The following GPC5 variants were observed in gnomAD, a reference collection of about 807,000 sequenced individuals.
GPC5 encodes the protein glypican-5.
GPC5 carries 47 observed loss-of-function variants against 53.9 expected under a neutral mutation model. The observed-to-expected ratio is 0.87, with a 90% confidence interval of 0.69 to 1.11. The LOEUF is 1.11. Ranked by LOEUF, GPC5 falls within the 50% of genes most tolerant of loss-of-function variation. The pLI is 0.00. For missense variants in GPC5, 748 were observed against 713.1 expected, an observed-to-expected ratio of 1.05 and a Z score of -0.56; for synonymous variants, 286 against 263.3, an observed-to-expected ratio of 1.09 and a Z score of -0.84.
chr13:91,584,965 A>G (rs576187924), intron 2 of GPC5, among the ~76,000 whole-genome samples: 12 of 152,312 alleles, frequency 7.9e-5, no homozygotes, highest in Admixed American at 3.9e-4. Context: ...AACATGCATA[A>G]CCAAATAACA....
intron 7 of GPC5, among the ~76,000 whole-genome samples, chr13:92,817,991 A>G (rs1420338782): frequency 6.6e-6 from 1 of 150,872 alleles, no homozygotes; most frequent in East Asian, 2.0e-4. Context: ...TAATGGATGG[A>G]CATCTTGCCT....
chr13:91,844,154 T>C (rs1023781177), intron 5 of GPC5, among the ~76,000 whole-genome samples: 2 of 152,112 alleles, frequency 1.3e-5, no homozygotes, highest in Non-Finnish European at 2.9e-5. Flanking sequence ...AAGGGATGTA[T>C]GGAAAATGAT....
At chr13:92,855,189 T>C (rs1346515066) in intron 7 of GPC5, among the ~76,000 whole-genome samples, 1 of 151,986 alleles carries the variant, frequency 6.6e-6, no homozygotes, top group Non-Finnish European at 1.5e-5. Flanking sequence ...ATGACTAGTA[T>C]ATATAGCACC....
At chr13:92,240,271 T>A (rs1301919892) in intron 7 of GPC5, 1 of 151,892 alleles carries the variant, frequency 6.6e-6, no homozygotes, top group East Asian at 1.9e-4. Flanking sequence ...CAAAGGAACT[T>A]CAGCTCACCA....
chr13:91,998,204 T>C (rs78995878), intron 6 of GPC5, among the ~76,000 whole-genome samples: 1 of 152,340 alleles, frequency 6.6e-6, no homozygotes, highest in East Asian at 1.9e-4. Context: ...GCTTCTAGAC[T>C]CAGCATTCCA....
chr13:91,687,146 A>G (rs1199973477), intron 2 of GPC5, among the ~76,000 whole-genome samples: 1 of 152,018 alleles, frequency 6.6e-6, no homozygotes, highest in Admixed American at 6.6e-5. Flanking sequence ...ACAGTTATTC[A>G]TAATCATTGC....
chr13:92,643,141 G>A (rs1885650227), intron 7 of GPC5, among the ~76,000 whole-genome samples: 1 of 151,970 alleles, frequency 6.6e-6, no homozygotes, highest in Non-Finnish European at 1.5e-5. Flanking sequence ...GTCAGATGAG[G>A]AGGTTGCGAA....
rs373159061 is a variant in GPC5 at position 91,797,775 on chromosome 13, C to T, written c.1280+41355C>T. On this transcript the variant is annotated intron_variant, in intron 5 of 7. Coordinates refer to ENST00000377067, the MANE Select transcript of GPC5 (RefSeq NM_004466.6). The stretch of plus-strand genomic sequence containing the variant: ...AACTGTGACGGTGAGGCAGAGCAGG[C>T]GTCGTGCTGACAGCTGAGATGCTTG... 1.3e-3 allele frequency among the ~76,000 whole-genome samples: 200 copies of T among 152,250 alleles called. 1 individual carries two copies. The highest frequency in any genetic ancestry group is 2.4e-3 in the Admixed American group (37 of 15,300).
chr13:92,299,905 G>T (rs897271678), intron 7 of GPC5, among the ~76,000 whole-genome samples: 2 of 152,112 alleles, frequency 1.3e-5, no homozygotes, highest in Non-Finnish European at 2.9e-5. Flanking sequence ...AAATTATATT[G>T]CTGTCAGCCT....
intron 1 of GPC5, among the ~76,000 whole-genome samples, chr13:91,410,581 C>T (rs879919165): frequency 7.9e-5 from 12 of 151,656 alleles, no homozygotes; most frequent in Admixed American, 3.3e-4. Context: ...CTCCTGACCT[C>T]GTGATCCGCC....
chr13:92,223,173 G>A (rs1397951561), intron 7 of GPC5, among the ~76,000 whole-genome samples: 3 of 152,018 alleles, frequency 2.0e-5, no homozygotes, highest in Non-Finnish European at 4.4e-5. Context: ...TAGCATAAAC[G>A]AGTTTACACT....
rs566782744 is a variant in GPC5, at chr13:92,556,083, G to A, written c.1562-310199G>A. Among the ~76,000 whole-genome samples the A allele has an allele frequency of 4.0e-5, 6 of 151,680 alleles. No individual in the cohort carries two copies. The East Asian group carries it at 7.8e-4, about 20-fold the overall frequency. On this transcript the variant is annotated intron_variant, in intron 7 of 7. Coordinates refer to ENST00000377067, the MANE Select transcript of GPC5 (RefSeq NM_004466.6). ...CTCCCCTTTATTTCCTGTAAATTGA[G>A]TATTTGGAATTTATGTGGGGCAATA...
chr13:91,493,186 A>G (rs914823211), intron 2 of GPC5, among the ~76,000 whole-genome samples: 1 of 152,234 alleles, frequency 6.6e-6, no homozygotes, highest in African/African-American at 2.4e-5. Flanking sequence ...GAGGAAGAAG[A>G]AAACATCCAT....
intron 4 of GPC5, 93 bp downstream of exon 4, chr13:91,728,758 T>C: frequency 8.1e-7 from 1 of 1,227,648 alleles, no homozygotes; most frequent in Non-Finnish European, 1.1e-6. Flanking sequence ...TCGAATAAAA[T>C]TCAATATGGA....
intron 5 of GPC5, among the ~76,000 whole-genome samples, chr13:91,885,412 T>G (rs1296373242): frequency 6.6e-6 from 1 of 152,238 alleles, no homozygotes; most frequent in Non-Finnish European, 1.5e-5. Context: ...TATTTAAATA[T>G]GGAGTACCTT....
chr13:92,158,333 A>T (rs1442694580), intron 7 of GPC5, among the ~76,000 whole-genome samples: 1 of 152,226 alleles, frequency 6.6e-6, no homozygotes, highest in African/African-American at 2.4e-5. Flanking sequence ...TCTGAAAAGA[A>T]TGGATTTATT....
chr13:92,268,251 A>C (rs543434317), intron 7 of GPC5, among the ~76,000 whole-genome samples: 10 of 152,200 alleles, frequency 6.6e-5, no homozygotes, highest in Non-Finnish European at 1.3e-4. Context: ...GGTAAAAAGG[A>C]AATTAAAAAT....
At chr13:92,088,163 T>G (rs555216428) in intron 6 of GPC5, among the ~76,000 whole-genome samples, 1 of 152,288 alleles carries the variant, frequency 6.6e-6, no homozygotes, top group South Asian at 2.1e-4. Flanking sequence ...CACTCATGCA[T>G]CAACCCAATG....
chr13:92,689,479 T>A (rs1887330937), intron 7 of GPC5, among the ~76,000 whole-genome samples: 1 of 93,508 alleles, frequency 1.1e-5, no homozygotes, highest in Non-Finnish European at 2.2e-5. Context: ...TGAGATGGGT[T>A]TCCTGAATAC....
Sources: gnomAD v4.1 joint callset for allele counts (sites outside exome capture counted in the v4.1 genomes callset) on GRCh38, gnomAD v4.1.1 for gene constraint, MANE v1.5 for transcripts, NCBI Gene and HGNC (gene_info 2026-07-23, HGNC 2026-07-21) for gene names.